Variants in GPC4 observed in about 807,000 individuals in gnomAD.
The protein encoded by GPC4 is glypican-4.
In GPC4, 10 loss-of-function variants were observed where a neutral mutation model predicts 35.0. The ratio of observed to expected loss-of-function variants is 0.29; its 90% confidence interval spans 0.18 to 0.48. The LOEUF is 0.48. GPC4 is among the 20% of genes least tolerant of loss of function. The pLI, the probability that GPC4 is intolerant of heterozygous loss-of-function variation, is 0.99. For synonymous variants in GPC4, 167 were observed against 170.2 expected (o/e 0.98, Z 0.15); for missense variants, 322 against 451.3 (o/e 0.71, Z 2.60).
chrX:133,359,932 TG>T lies in GPC4; in HGVS notation c.161-20592del, dbSNP rs746347661. Among the ~76,000 whole-genome samples, 177 of 110,811 alleles carry T rather than the reference TG, an allele frequency of 1.6e-3. 1 individual carries two copies. Among genetic ancestry groups the T allele is most frequent in the African/African-American group, 5.0e-3 (153 of 30,483 alleles). ...ATAAGCGGGGTTCTAGAAGGGACCC[TG>T]GGAAGTAGAAACCAGTAAATCTAAT... On this transcript the variant is annotated intron_variant, in intron 1 of 8. Transcript: ENST00000370828.
Position 133,302,543 on chromosome X carries a change from C to A in GPC4, c.*324G>T. The A allele has an allele frequency of 1.1e-5, 2 of 181,923 alleles. No individual in the cohort carries two copies. Among genetic ancestry groups the A allele is most frequent in the Admixed American group, 7.3e-5 (1 of 13,753 alleles). The allele number at this position is 181,923 out of a possible 1,213,427, so 15.0% of individuals were successfully genotyped here. A position where few individuals can be genotyped will look rare whatever the true frequency, so the allele number is the denominator to read the frequency against. ...CGAGATCACAGTTGGAAAAAAAAAC[C>A]CACAAACGAAATGAGAAAAAAACAT... On this transcript the variant is annotated 3_prime_UTR_variant, in exon 9 of 9. Transcript: ENST00000370828.
intron 2 of GPC4, among the ~76,000 whole-genome samples, chrX:133,335,212 G>C (rs2068436520): frequency 9.0e-6 from 1 of 111,108 alleles, no homozygotes; most frequent in East Asian, 2.8e-4. Context: ...TCCCAGAATT[G>C]GCCAAGAGGG....
chrX:133,337,915 G>A (rs112804376), intron 2 of GPC4, among the ~76,000 whole-genome samples: 5 of 110,077 alleles, frequency 4.5e-5, no homozygotes, highest in African/African-American at 1.3e-4. Flanking sequence ...TATATAAATT[G>A]TTCCCATTCA....
intron 3 of GPC4, among the ~76,000 whole-genome samples, chrX:133,323,703 A>G (rs1217944999): frequency 8.9e-6 from 1 of 112,179 alleles, no homozygotes; most frequent in Non-Finnish European, 1.9e-5. Flanking sequence ...AAGGAAACAT[A>G]TGCTCACAGA....
intron 1 of GPC4, among the ~76,000 whole-genome samples, chrX:133,401,937 A>G (rs1360485672): frequency 8.9e-6 from 1 of 112,710 alleles, no homozygotes; most frequent in Non-Finnish European, 1.9e-5. Context: ...TTTCTAAAGT[A>G]CATTGGTAAA....
rs745422234 is a variant in GPC4, at chrX:133,415,076, G to A, written c.-111C>T. 2.5e-6 allele frequency: 2 copies of A among 790,939 alleles called. No individual in the cohort carries two copies. Among genetic ancestry groups the A allele is most frequent in the Non-Finnish European group, 3.6e-6 (2 of 559,507 alleles). The allele number at this position is 790,939 out of a possible 1,213,427, so 65.2% of individuals were successfully genotyped here. On this transcript the variant is annotated 5_prime_UTR_variant, in exon 1 of 9. Transcript: ENST00000370828. ...GGGGACTAGCGAGTGGAGCTGGAGG[G>A]AGAAGGAGTTGGAGTTGGTGGAAGA...
chrX:133,390,388 T>G (rs1308093943), intron 1 of GPC4, among the ~76,000 whole-genome samples: 1 of 111,144 alleles, frequency 9.0e-6, no homozygotes, highest in African/African-American at 3.3e-5. Flanking sequence ...CCCCAAAGGG[T>G]TTCATCAGCC....
rs1261364513 is a variant in GPC4, at chrX:133,339,323, C to G, written c.179G>C (p.Cys60Ser). ...AGAGCAGCAGGTAGAACCCTGGGGA[C>G]AGATCTTCAAATGATCACCTGCAAG... is the stretch of plus-strand genomic sequence containing the variant. ...HEINGDHLKI[C>S]PQGSTCCSQE... is the part of the protein sequence containing the mutation. Residue 60 changes from cysteine to serine, a missense_variant, in exon 2 of 9, where the codon TGT becomes TCT. This residue lies in a region of GPC4 where 60 missense variants were observed against 64.1 expected (regional missense o/e 0.94). Transcript: ENST00000370828. The G allele has an allele frequency of 8.3e-7, 1 of 1,207,800 alleles. No homozygotes were observed. Among genetic ancestry groups the G allele is most frequent in the African/African-American group, 1.8e-5 (1 of 57,030 alleles).
chrX:133,408,566 C>T (rs2068799185), intron 1 of GPC4, among the ~76,000 whole-genome samples: 1 of 111,136 alleles, frequency 9.0e-6, no homozygotes, highest in Non-Finnish European at 1.9e-5. Flanking sequence ...AAAACTCCAT[C>T]TCTACTAAAA....
intron 1 of GPC4, among the ~76,000 whole-genome samples, chrX:133,389,782 G>A (rs1048657329): frequency 7.2e-5 from 8 of 111,619 alleles, no homozygotes; most frequent in African/African-American, 2.6e-4. Context: ...ACCACGGACC[G>A]TGGGTACATA....
chrX:133,403,155 T>C (rs1423743905), intron 1 of GPC4, among the ~76,000 whole-genome samples: 1 of 111,880 alleles, frequency 8.9e-6, no homozygotes, highest in Non-Finnish European at 1.9e-5. Context: ...GGACTGAATG[T>C]ATGCAAAAGT....
At chrX:133,376,318 T>C (rs2068632979) in intron 1 of GPC4, among the ~76,000 whole-genome samples, 1 of 112,118 alleles carries the variant, frequency 8.9e-6, no homozygotes, top group Admixed American at 9.4e-5. Context: ...AGGGCTGCTC[T>C]CTCTGTCCCC....
intron 1 of GPC4, among the ~76,000 whole-genome samples, chrX:133,342,032 A>ATTTTTT: frequency 1.4e-5 from 1 of 72,895 alleles, no homozygotes; most frequent in Non-Finnish European, 2.7e-5. Flanking sequence ...TTTTGGCACT[A>ATTTTTT]TTTTTTTTTT....
chrX:133,330,418 G>GA (rs1432210280), intron 2 of GPC4, among the ~76,000 whole-genome samples: 2 of 111,243 alleles, frequency 1.8e-5, no homozygotes, highest in Admixed American at 9.6e-5. Context: ...AAAATGTAAG[G>GA]AAAAAAAGGA....
intron 1 of GPC4, among the ~76,000 whole-genome samples, chrX:133,384,867 A>G (rs909821189): frequency 2.7e-5 from 3 of 111,811 alleles, no homozygotes; most frequent in Non-Finnish European, 5.6e-5. Context: ...GACTCTGTTT[A>G]AACACTCTCT....
intron 1 of GPC4, among the ~76,000 whole-genome samples, chrX:133,406,108 GATTT>G (rs1026019569): frequency 2.7e-5 from 3 of 112,253 alleles, no homozygotes; most frequent in African/African-American, 9.7e-5. Flanking sequence ...GGGATAAAGA[GATTT>G]ATTTTAATTT....
intron 1 of GPC4, among the ~76,000 whole-genome samples, chrX:133,348,761 C>CT (rs1276160949): frequency 8.9e-6 from 1 of 112,289 alleles, no homozygotes; most frequent in East Asian, 2.8e-4. Flanking sequence ...GTTTCAAGCT[C>CT]TTTAAGAGAA....
chrX:133,383,471 C>T (rs1368506613), intron 1 of GPC4, among the ~76,000 whole-genome samples: 2 of 110,802 alleles, frequency 1.8e-5, no homozygotes, highest in African/African-American at 6.6e-5. Context: ...GGCAGTGAAA[C>T]TACCCTGTCT....
At chrX:133,321,962 A>C (rs2068366840) in intron 3 of GPC4, among the ~76,000 whole-genome samples, 1 of 112,002 alleles carries the variant, frequency 8.9e-6, no homozygotes, top group Non-Finnish European at 1.9e-5. Flanking sequence ...AACATAATGA[A>C]TGCAATCAAT....
Sources: allele counts gnomAD v4.1 joint callset (sites outside exome capture counted in the v4.1 genomes callset), GRCh38; gene constraint gnomAD v4.1.1; regional missense constraint gnomAD v4.1.1; transcripts MANE v1.5; gene names NCBI Gene and HGNC (gene_info 2026-07-23, HGNC 2026-07-21).